FOXJ3: variants seen among roughly 807,000 people sequenced by gnomAD.
FOXJ3 encodes forkhead box protein J3.
A neutral mutation model predicts 76.1 loss-of-function variants in FOXJ3; 22 were observed. The ratio of observed to expected loss-of-function variants is 0.29; its 90% CI spans 0.21 to 0.41. The LOEUF is 0.41. Among genes scored for constraint, FOXJ3 ranks in the 10% least tolerant of loss-of-function variants. The probability of loss-of-function intolerance (pLI) is 1.00; values close to 1 mark genes in which losing one functional copy is unlikely to be tolerated. For synonymous variants in FOXJ3, 269 were observed against 261.2 expected, an observed-to-expected ratio of 1.03 and a Z score of -0.29; for missense variants, 613 against 762.1, an observed-to-expected ratio of 0.80 and a Z score of 2.30.
At chr1:42,219,607 CA>C (rs1174775772) in intron 5 of FOXJ3, among the ~76,000 whole-genome samples, 3 of 152,136 alleles carry the variant, frequency 2.0e-5, no homozygotes, top group African/African-American at 7.2e-5. Context: ...GTAACCTAAA[CA>C]GAAACTTTAG....
chr1:42,287,347 A>C (rs980426923), intron 2 of FOXJ3, among the ~76,000 whole-genome samples: 50 of 152,050 alleles, frequency 3.3e-4, no homozygotes, highest in Non-Finnish European at 5.7e-4. Context: ...CTTAAAAAAA[A>C]ATAAAAGTTT....
chr1:42,295,451 C>T (rs1653721163), intron 2 of FOXJ3, among the ~76,000 whole-genome samples: 1 of 150,594 alleles, frequency 6.6e-6, no homozygotes, highest in Non-Finnish European at 1.5e-5. Flanking sequence ...CAGTCAACTG[C>T]TGATGAACAG....
chr1:42,209,197 C>A (rs1646918761), intron 5 of FOXJ3, among the ~76,000 whole-genome samples: 1 of 152,206 alleles, frequency 6.6e-6, no homozygotes, highest in Admixed American at 6.5e-5. Context: ...TAAACAAATT[C>A]AGTAACGTTG....
At chr1:42,309,643 A>G (rs1654686442) in intron 2 of FOXJ3, among the ~76,000 whole-genome samples, 2 of 152,218 alleles carry the variant, frequency 1.3e-5, no homozygotes, top group South Asian at 4.1e-4. Context: ...AACATTTAGA[A>G]TAGTATCTGA....
intron 1 of FOXJ3, among the ~76,000 whole-genome samples, chr1:42,313,459 C>G (rs1279218377): frequency 6.6e-6 from 1 of 152,090 alleles, no homozygotes; most frequent in Non-Finnish European, 1.5e-5. Context: ...TCACCTTTGA[C>G]CTAAGCCTGG....
chr1:42,222,043 AAGG>A (rs57422301), intron 5 of FOXJ3, among the ~76,000 whole-genome samples: 47 of 49,128 alleles, frequency 9.6e-4, no homozygotes, highest in South Asian at 2.0e-3. Context: ...GGAGAAGGAG[AAGG>A]AGAAGAAGAA....
intron 4 of FOXJ3, 61 bp from the exon 5 acceptor site, chr1:42,228,027 T>C: frequency 1.2e-6 from 1 of 831,190 alleles, no homozygotes; most frequent in Non-Finnish European, 1.8e-6. Context: ...TTAAAATGGA[T>C]TTTTATAATC....
At chr1:42,305,598 T>A (rs1166815538) in intron 2 of FOXJ3, among the ~76,000 whole-genome samples, 1 of 152,174 alleles carries the variant, frequency 6.6e-6, no homozygotes, top group Non-Finnish European at 1.5e-5. Context: ...TTATGCTAAG[T>A]GAAATAAGCC....
intron 4 of FOXJ3, among the ~76,000 whole-genome samples, chr1:42,229,201 C>A (rs1271214784): frequency 6.6e-6 from 1 of 152,030 alleles, no homozygotes; most frequent in Non-Finnish European, 1.5e-5. Context: ...CCCAAGAATT[C>A]ATCACTCTCT....
intron 2 of FOXJ3, among the ~76,000 whole-genome samples, chr1:42,286,589 A>G (rs548736156): frequency 1.4e-3 from 216 of 152,352 alleles, no homozygotes; most frequent in African/African-American, 5.1e-3. Context: ...TCATATTGTT[A>G]TCAAGTTAAT....
At chr1:42,247,893 T>C (rs116084968) in intron 4 of FOXJ3, among the ~76,000 whole-genome samples, 5,924 of 152,326 alleles carry the variant, frequency 0.039, 146 homozygotes, top group South Asian at 0.092. Context: ...AATTGTGGTA[T>C]AGCTATCCAA....
At position 42,177,985 on chromosome 1, in the gene FOXJ3, G is replaced by A. The variant is rs923609894; in HGVS notation, c.*1725C>T. On this transcript the variant is annotated 3_prime_UTR_variant, in exon 13 of 13. Coordinates refer to ENST00000361346, the MANE Select transcript of FOXJ3 (RefSeq NM_014947.5). ...TTCCCCATTAGAACTGACACTTTTT[G>A]GGGGGTCTAAAGAATCAATTCAAAA... 3 of 151,676 alleles carry A rather than the reference G, an allele frequency of 2.0e-5. No individual in the cohort carries two copies. The highest frequency in any genetic ancestry group is 7.3e-5 in the African/African-American group (3 of 40,934). 9.4% of individuals were successfully genotyped at this position (151,676 alleles called of 1,614,324 possible).
At chr1:42,182,480 C>T (rs1646344549) in intron 11 of FOXJ3, among the ~76,000 whole-genome samples, 1 of 152,176 alleles carries the variant, frequency 6.6e-6, no homozygotes, top group South Asian at 2.1e-4. Context: ...GCTAGGACTA[C>T]AATCCAGATC....
chr1:42,244,985 G>A (rs1649431614), intron 4 of FOXJ3, among the ~76,000 whole-genome samples: 1 of 152,038 alleles, frequency 6.6e-6, no homozygotes, highest in Non-Finnish European at 1.5e-5. Flanking sequence ...TTCGAGACCA[G>A]CCTGACCAAT....
chr1:42,222,704 T>TTA (rs2124431394), intron 5 of FOXJ3, among the ~76,000 whole-genome samples: 1 of 152,324 alleles, frequency 6.6e-6, no homozygotes, highest in Admixed American at 6.5e-5. Context: ...TAAAGACCTC[T>TTA]TATCTTGTGT....
chr1:42,284,094 C>T (rs1254706380), intron 2 of FOXJ3, among the ~76,000 whole-genome samples: 5 of 152,108 alleles, frequency 3.3e-5, no homozygotes, highest in Non-Finnish European at 5.9e-5. Context: ...ACTGCCTACC[C>T]TACAGAATTT....
At chr1:42,244,633 A>G (rs1391571231) in intron 4 of FOXJ3, among the ~76,000 whole-genome samples, 1 of 148,656 alleles carries the variant, frequency 6.7e-6, no homozygotes, top group East Asian at 2.0e-4. Context: ...AAATCAATAC[A>G]CTGACAGCCA....
intron 4 of FOXJ3, among the ~76,000 whole-genome samples, chr1:42,244,101 T>G (rs1177253199): frequency 6.6e-6 from 1 of 151,908 alleles, no homozygotes; most frequent in African/African-American, 2.4e-5. Flanking sequence ...AAGAAGGAAA[T>G]AAAAAACTTT....
At position 42,271,317 on chromosome 1, in the gene FOXJ3, T is replaced by TA. The variant is rs576426018; in HGVS notation, c.370-6129dup. On this transcript the variant is annotated intron_variant, in intron 3 of 12. Transcript: ENST00000361346. ...TTTTCATCCCTTTTCATTTTTTTTT[T>TA]AAATATGTAAAACATGTACATGGGT... Among the ~76,000 whole-genome samples the TA allele has an allele frequency of 5.0e-3, 755 of 152,002 alleles. 2 individuals carry two copies. The highest frequency in any genetic ancestry group is 0.017 in the African/African-American group (694 of 41,376).
Sources: gnomAD v4.1 joint callset for allele counts (sites outside exome capture counted in the v4.1 genomes callset) on GRCh38, gnomAD v4.1.1 for gene constraint, MANE v1.5 for transcripts, NCBI Gene and HGNC (gene_info 2026-07-23, HGNC 2026-07-21) for gene names.